The following IL1RAPL1 variants were observed in gnomAD, a reference collection of about 807,000 sequenced individuals.
The protein encoded by IL1RAPL1 is interleukin-1 receptor accessory protein-like 1.
Under a neutral mutation model 48.4 loss-of-function variants are expected in IL1RAPL1, and 3 were observed. That is an observed-to-expected ratio of 0.06 (90% CI 0.03 to 0.16). The LOEUF (loss-of-function observed/expected upper bound fraction) is 0.16. Ranked by LOEUF, IL1RAPL1 falls within the 10% of genes least tolerant of loss-of-function variation. IL1RAPL1 has a pLI of 1.00. For synonymous variants in IL1RAPL1, 185 were observed against 187.7 expected (o/e 0.99, Z 0.12); for missense variants, 349 against 530.6 (o/e 0.66, Z 3.36).
At chrX:28,925,000 G>C (rs1405401393) in intron 2 of IL1RAPL1, among the ~76,000 whole-genome samples, 1 of 111,336 alleles carries the variant, frequency 9.0e-6, no homozygotes, top group African/African-American at 3.3e-5. Context: ...TATACCACCT[G>C]TTGAGAGGAA....
intron 3 of IL1RAPL1, among the ~76,000 whole-genome samples, chrX:29,335,059 C>T (rs1395440222): frequency 6.3e-5 from 7 of 111,590 alleles, no homozygotes; most frequent in Admixed American, 3.7e-4. Context: ...GGATCACTCG[C>T]GGTTAGGAGC....
intron 9 of IL1RAPL1, among the ~76,000 whole-genome samples, chrX:29,948,463 A>G (rs1340556854): frequency 8.9e-6 from 1 of 111,850 alleles, no homozygotes; most frequent in Non-Finnish European, 1.9e-5. Context: ...CAAACCATTA[A>G]GGTTTTATAT....
intron 2 of IL1RAPL1, among the ~76,000 whole-genome samples, chrX:29,097,060 A>ACT (rs1928231313): frequency 8.9e-6 from 1 of 111,953 alleles, no homozygotes; most frequent in Non-Finnish European, 1.9e-5. Context: ...TTAAGCTATA[A>ACT]ATTTAGTCAC....
chrX:28,589,280 AGTCAAC>A (rs1188782247), intron 1 of IL1RAPL1, among the ~76,000 whole-genome samples: 1 of 111,460 alleles, frequency 9.0e-6, no homozygotes, highest in Non-Finnish European at 1.9e-5. Flanking sequence ...AGCGAGTTTC[AGTCAAC>A]GATAGTGAGA....
At chrX:29,146,480 T>C (rs1470443831) in intron 2 of IL1RAPL1, among the ~76,000 whole-genome samples, 8 of 111,411 alleles carry the variant, frequency 7.2e-5, no homozygotes, top group African/African-American at 2.6e-4. Context: ...TTTTATCTCT[T>C]ACGCAACCAT....
At chrX:28,759,925 A>G (rs1159051802) in intron 1 of IL1RAPL1, among the ~76,000 whole-genome samples, 1 of 111,946 alleles carries the variant, frequency 8.9e-6, no homozygotes, top group Admixed American at 9.5e-5. Flanking sequence ...AAAGACAAAT[A>G]TCCTCTAAAT....
chrX:29,635,805 AAAAC>A (rs1392097687), intron 5 of IL1RAPL1, among the ~76,000 whole-genome samples: 4 of 109,979 alleles, frequency 3.6e-5, no homozygotes, highest in African/African-American at 1.3e-4. Flanking sequence ...GAAAAAAAAA[AAAAC>A]CCAAAAACTA....
chrX:29,476,454 TGTC>T (rs1051180046), intron 5 of IL1RAPL1, among the ~76,000 whole-genome samples: 4 of 112,004 alleles, frequency 3.6e-5, no homozygotes, highest in African/African-American at 6.5e-5. Flanking sequence ...TTTACATTAT[TGTC>T]GTGTATTTAT....
intron 3 of IL1RAPL1, among the ~76,000 whole-genome samples, chrX:29,381,175 T>G (rs1933692516): frequency 1.8e-5 from 2 of 109,818 alleles, no homozygotes; most frequent in South Asian, 7.8e-4. Context: ...GACACACACA[T>G]GCATACAAAA....
intron 1 of IL1RAPL1, among the ~76,000 whole-genome samples, chrX:28,660,086 GGT>G (rs60600833): frequency 0.07 from 5,303 of 76,224 alleles, 170 homozygotes; most frequent in Middle Eastern, 0.079. Flanking sequence ...GAGTGAGGAT[GGT>G]GTGTGTGTGT....
intron 9 of IL1RAPL1, among the ~76,000 whole-genome samples, chrX:29,945,704 G>A (rs1360160773): frequency 2.7e-5 from 3 of 111,961 alleles, no homozygotes; most frequent in Non-Finnish European, 5.6e-5. Context: ...CAGACTTGCA[G>A]ATGGAGTTTC....
At chrX:29,715,938 A>G (rs746372158) in intron 6 of IL1RAPL1, among the ~76,000 whole-genome samples, 2 of 112,312 alleles carry the variant, frequency 1.8e-5, no homozygotes, top group East Asian at 5.6e-4. Flanking sequence ...ATGTACAATT[A>G]TAGCAGCATG....
chrX:28,928,328 TG>T (rs1323978730), intron 2 of IL1RAPL1, among the ~76,000 whole-genome samples: 1 of 111,820 alleles, frequency 8.9e-6, no homozygotes, highest in Non-Finnish European at 1.9e-5. Context: ...TTTCCTGTCA[TG>T]TTTTTTTTCT....
chrX:29,264,069 C>CTA (rs947950247), intron 2 of IL1RAPL1, among the ~76,000 whole-genome samples: 8 of 109,985 alleles, frequency 7.3e-5, no homozygotes, highest in Non-Finnish European at 1.1e-4. Context: ...CACACATGCA[C>CTA]TATATATATA....
At chrX:28,732,654 G>A (rs970253038) in intron 1 of IL1RAPL1, among the ~76,000 whole-genome samples, 2 of 111,126 alleles carry the variant, frequency 1.8e-5, no homozygotes, top group African/African-American at 6.5e-5. Context: ...GGTGGATCAC[G>A]AGGTCAAGAG....
intron 5 of IL1RAPL1, among the ~76,000 whole-genome samples, chrX:29,413,933 A>G (rs904903939): frequency 3.6e-5 from 4 of 110,582 alleles, no homozygotes; most frequent in Non-Finnish European, 7.6e-5. Context: ...GTGTATATAT[A>G]TGTGTGTGTG....
intron 2 of IL1RAPL1, among the ~76,000 whole-genome samples, chrX:28,874,512 G>C (rs183957985): frequency 1.8e-5 from 2 of 112,038 alleles, no homozygotes; most frequent in African/African-American, 6.5e-5. Flanking sequence ...TTATCTAGGA[G>C]ACAATGATAC....
intron 2 of IL1RAPL1, among the ~76,000 whole-genome samples, chrX:29,272,284 A>T (rs780284747): frequency 3.3e-4 from 37 of 111,509 alleles, no homozygotes; most frequent in Admixed American, 7.6e-4. Context: ...TACCAGTGCC[A>T]TGCTGTTTTG....
intron 3 of IL1RAPL1, among the ~76,000 whole-genome samples, chrX:29,372,031 C>T (rs1052416785): frequency 8.9e-6 from 1 of 112,451 alleles, no homozygotes; most frequent in Non-Finnish European, 1.9e-5. Context: ...AACTAATTTA[C>T]ATTCCCACCA....
Sources: gnomAD v4.1 joint callset for allele counts (sites outside exome capture counted in the v4.1 genomes callset) on GRCh38, gnomAD v4.1.1 for gene constraint, MANE v1.5 for transcripts, NCBI Gene and HGNC (gene_info 2026-07-23, HGNC 2026-07-21) for gene names.